Variants in RAD51B observed in about 807,000 individuals in gnomAD.
RAD51B encodes the protein RAD51 paralog B, also known as DNA repair protein RAD51 homolog 2.
Under a neutral mutation model 42.2 loss-of-function variants are expected in RAD51B, and 38 were observed. That is an observed-to-expected ratio of 0.90 (90% CI 0.70 to 1.18). RAD51B has a LOEUF of 1.18. Among genes scored for constraint, RAD51B ranks in the 50% most tolerant of loss-of-function variants. The pLI, the probability that RAD51B is intolerant of heterozygous loss-of-function variation, is 0.00. For missense variants in RAD51B, 373 were observed against 400.7 expected (o/e 0.93, Z 0.59); for synonymous variants, 154 against 145.2 (o/e 1.06, Z -0.43).
intron 7 of RAD51B, among the ~76,000 whole-genome samples, chr14:68,140,538 G>A (rs1297557607): frequency 6.6e-6 from 1 of 152,224 alleles, no homozygotes; most frequent in Admixed American, 6.5e-5. Context: ...GGGCTTGCCA[G>A]CCACAACTCA....
intron 10 of RAD51B, chr14:68,563,794 C>T (rs1889277109): frequency 1.0e-6 from 1 of 985,186 alleles, no homozygotes; most frequent in Non-Finnish European, 1.2e-6. Context: ...CCGTAAGAAA[C>T]GACAGCTCGG....
rs551861394 is a variant in RAD51B, at chr14:68,278,901, CTT to C, written c.757-12980_757-12979del. Among the ~76,000 whole-genome samples, 19 of 152,234 alleles carry C rather than the reference CTT, an allele frequency of 1.2e-4. No homozygotes were observed. The East Asian group carries it at 3.7e-3, about 29-fold the overall frequency. On this transcript the variant is annotated intron_variant, in intron 7 of 10. Coordinates refer to ENST00000471583, the MANE Select transcript of RAD51B (RefSeq NM_133510.4). The stretch of plus-strand genomic sequence containing the variant: ...GTGAGATAGGAAACCTTTAATAAGA[CTT>C]TTCCTAAATGATGTTGCATGTGAAA...
intron 4 of RAD51B, among the ~76,000 whole-genome samples, chr14:67,842,390 C>G (rs768674972): frequency 2.6e-4 from 40 of 151,918 alleles, no homozygotes; most frequent in Non-Finnish European, 5.1e-4. Flanking sequence ...TATTTCTTTC[C>G]CTTTTTGAGA....
chr14:67,926,984 GATTTTAGCCAATGATATGTTACAAAGT>G (rs2044537206), intron 7 of RAD51B, among the ~76,000 whole-genome samples: 2 of 152,146 alleles, frequency 1.3e-5, no homozygotes, highest in African/African-American at 2.4e-5. Context: ...GTAACTCATA[GATTTTAGCCAATGATATGTTACAAAGT>G]ATTTTATACT....
At chr14:68,252,501 A>G (rs1351962047) in intron 7 of RAD51B, among the ~76,000 whole-genome samples, 1 of 152,212 alleles carries the variant, frequency 6.6e-6, no homozygotes, top group African/African-American at 2.4e-5. Context: ...TCATACACAC[A>G]TGTATGTGCA....
At chr14:68,427,390 G>T (rs1464092755) in intron 9 of RAD51B, among the ~76,000 whole-genome samples, 1 of 152,226 alleles carries the variant, frequency 6.6e-6, no homozygotes, top group Non-Finnish European at 1.5e-5. Flanking sequence ...GGTGAGACTA[G>T]CAAAGCCATG....
intron 4 of RAD51B, among the ~76,000 whole-genome samples, chr14:67,838,804 T>TAA (rs56299969): frequency 2.8e-4 from 40 of 145,258 alleles, no homozygotes; most frequent in South Asian, 6.5e-4. Flanking sequence ...GATAAAAAAG[T>TAA]AAAAAAAAAA....
At chr14:68,668,501 T>C (rs1448835406) in intron 11 of RAD51B, among the ~76,000 whole-genome samples, 1 of 152,250 alleles carries the variant, frequency 6.6e-6, no homozygotes, top group East Asian at 1.9e-4. Context: ...TGTCAGCCAC[T>C]TTCAAGGCTT....
intron 7 of RAD51B, among the ~76,000 whole-genome samples, chr14:67,966,297 G>A (rs2074776323): frequency 6.6e-6 from 1 of 152,136 alleles, no homozygotes; most frequent in South Asian, 2.1e-4. Context: ...GGGGTAAATT[G>A]AAAGAGGGAA....
chr14:68,082,808 C>T (rs1363533332), intron 7 of RAD51B, among the ~76,000 whole-genome samples: 1 of 152,020 alleles, frequency 6.6e-6, no homozygotes, highest in African/African-American at 2.4e-5. Flanking sequence ...CTTTTCAATT[C>T]ATTTCCTAAT....
In RAD51B at chr14:68,426,904, C is replaced by A. The variant is rs375394304; in HGVS notation, c.957+15377C>A. ...GGTTTCCAGGGACAGACCCAGGGTACCATCCACAGGCTGACTTTCCAGGGC... is the reference window on the plus strand; with the variant it reads ...GGTTTCCAGGGACAGACCCAGGGTAACATCCACAGGCTGACTTTCCAGGGC... On this transcript the variant is annotated intron_variant, in intron 9 of 10. Coordinates refer to ENST00000471583, the MANE Select transcript of RAD51B (RefSeq NM_133510.4). Among the ~76,000 whole-genome samples, 6 of 152,266 alleles carry A rather than the reference C, an allele frequency of 3.9e-5. No individual in the cohort carries two copies. In the East Asian group the frequency reaches 5.8e-4, roughly 15 times the overall value.
intron 7 of RAD51B, among the ~76,000 whole-genome samples, chr14:68,066,925 A>T (rs2076659947): frequency 6.6e-6 from 1 of 152,224 alleles, no homozygotes; most frequent in Admixed American, 6.5e-5. Flanking sequence ...CAGGGAGTTA[A>T]TTTTTTTCTA....
chr14:68,240,937 T>C (rs1473056645), intron 7 of RAD51B, among the ~76,000 whole-genome samples: 2 of 152,208 alleles, frequency 1.3e-5, no homozygotes, highest in African/African-American at 4.8e-5. Flanking sequence ...TAAAACCAAA[T>C]TCATGTGACA....
chr14:68,139,058 T>C lies in RAD51B; in HGVS notation c.757-152826T>C, dbSNP rs538656876. On this transcript the variant is annotated intron_variant, in intron 7 of 10. Coordinates refer to ENST00000471583, the MANE Select transcript of RAD51B (RefSeq NM_133510.4). ...GATTTTTTTTTGTAATTATAGCAGC[T>C]TTTATTTTTAAAAATCACTTGAAAC... Among the ~76,000 whole-genome samples, 11 of 152,234 alleles carry C rather than the reference T, an allele frequency of 7.2e-5. No homozygotes were observed. The East Asian group carries it at 1.7e-3, about 24-fold the overall frequency.
downstream of RAD51B, among the ~76,000 whole-genome samples, chr14:68,479,119 T>G (rs2140258529): frequency 6.6e-6 from 1 of 152,300 alleles, no homozygotes; most frequent in African/African-American, 2.4e-5. Context: ...CAGGAAGATG[T>G]CCCAGGCTGT....
intron 8 of RAD51B, among the ~76,000 whole-genome samples, chr14:68,353,828 C>T (rs898030097): frequency 2.0e-5 from 3 of 152,162 alleles, no homozygotes; most frequent in Admixed American, 2.0e-4. Flanking sequence ...GTAAGACCTT[C>T]CCCTCCACAC....
chr14:67,910,163 T>C (rs1378478735), intron 7 of RAD51B, among the ~76,000 whole-genome samples: 1 of 152,096 alleles, frequency 6.6e-6, no homozygotes, highest in Non-Finnish European at 1.5e-5. Context: ...GCATACACAG[T>C]GGACATTGTG....
intron 8 of RAD51B, among the ~76,000 whole-genome samples, chr14:68,353,064 T>C (rs73274156): frequency 6.6e-6 from 1 of 152,176 alleles, no homozygotes; most frequent in Non-Finnish European, 1.5e-5. Context: ...TTATTAGCAA[T>C]GTCAGAAAGC....
At chr14:68,541,145 G>A in intron 10 of RAD51B, 1 of 985,440 alleles carries the variant, frequency 1.0e-6, no homozygotes, top group Non-Finnish European at 1.2e-6. Flanking sequence ...GACCAGTGCT[G>A]GTGCCTTCCT....
Sources: gnomAD v4.1 joint callset for allele counts (sites outside exome capture counted in the v4.1 genomes callset) on GRCh38, gnomAD v4.1.1 for gene constraint, MANE v1.5 for transcripts, NCBI Gene and HGNC (gene_info 2026-07-23, HGNC 2026-07-21) for gene names.